RAI1: variants seen among roughly 807,000 people sequenced by gnomAD.
RAI1 encodes the protein retinoic acid induced 1.
A neutral mutation model predicts 123.8 loss-of-function variants in RAI1; 9 were observed. The observed-to-expected ratio is 0.07, with a 90% CI of 0.04 to 0.13. The LOEUF (loss-of-function observed/expected upper bound fraction) is 0.13, where lower values mean the gene tolerates loss of function less well. Ranked by LOEUF, RAI1 falls within the 10% of genes least tolerant of loss-of-function variation. RAI1 has a pLI of 1.00. For missense variants in RAI1, 2,256 were observed against 2,545.8 expected (o/e 0.89, Z 2.45); for synonymous variants, 1,231 against 1,127.3 (o/e 1.09, Z -1.84).
At chr17:17,722,700 G>A (rs188599057) in intron 1 of RAI1, among the ~76,000 whole-genome samples, 318 of 152,332 alleles carry the variant, frequency 2.1e-3, no homozygotes, top group African/African-American at 7.2e-3. Context: ...TTCCCGGCCA[G>A]TAGGCGTCTC....
At chr17:17,723,668 C>A (rs376457028) in intron 1 of RAI1, among the ~76,000 whole-genome samples, 21 of 148,298 alleles carry the variant, frequency 1.4e-4, no homozygotes, top group East Asian at 6.2e-4. Flanking sequence ...CATCTCTCGC[C>A]CCCCCGCCCG....
At chr17:17,770,510 G>T (rs12450495) in intron 2 of RAI1, among the ~76,000 whole-genome samples, 1 of 152,126 alleles carries the variant, frequency 6.6e-6, no homozygotes, top group African/African-American at 2.4e-5. Flanking sequence ...TGGGCTCCCC[G>T]GCCAATTCCT....
intron 1 of RAI1, among the ~76,000 whole-genome samples, chr17:17,723,459 C>A (rs1915955339): frequency 1.3e-5 from 2 of 151,838 alleles, no homozygotes; most frequent in Non-Finnish European, 2.9e-5. Context: ...TCGTAAGTCA[C>A]TGGAAAAATA....
intron 1 of RAI1, 71 bp downstream of exon 1, chr17:17,681,864 C>A: frequency 4.5e-6 from 1 of 224,140 alleles, no homozygotes; most frequent in Non-Finnish European, 8.7e-6. Context: ...CGCGAGGCGT[C>A]GGGATCCTAG....
chr17:17,686,608 T>TGTGCGC (rs1491248703), intron 1 of RAI1, among the ~76,000 whole-genome samples: 32 of 137,852 alleles, frequency 2.3e-4, no homozygotes, highest in African/African-American at 8.6e-4. Context: ...TGTGTGTGTG[T>TGTGCGC]GCACGCGCGC....
At chr17:17,735,689 T>G (rs973401776) in intron 2 of RAI1, among the ~76,000 whole-genome samples, 6 of 152,168 alleles carry the variant, frequency 3.9e-5, no homozygotes, top group Non-Finnish European at 8.8e-5. Context: ...CAGAAGTGAT[T>G]TAGAAGTGGC....
intron 2 of RAI1, among the ~76,000 whole-genome samples, chr17:17,768,165 C>A (rs1239791382): frequency 2.0e-5 from 3 of 152,168 alleles, no homozygotes; most frequent in African/African-American, 7.2e-5. Context: ...AGCAGAATGC[C>A]TGGGACGTAG....
Position 17,695,531 on chromosome 17 carries a change from C to CTT in RAI1, c.-149+13750_-149+13751dup, listed in dbSNP as rs10692662. 5.1e-3 allele frequency among the ~76,000 whole-genome samples: 737 copies of CTT among 145,488 alleles called. 6 individuals are homozygous for CTT. The highest frequency in any genetic ancestry group is 6.7e-3 in the Non-Finnish European group (446 of 66,270). Reference sequence around the variant, plus strand: ...TCTTTCCCCTGGTCTTTCTCTCTCTCTTTTTTTTTTTTTGAGCTAGAGTCT... The same window carrying CTT: ...TCTTTCCCCTGGTCTTTCTCTCTCTCTTTTTTTTTTTTTTTGAGCTAGAGTCT... On this transcript the variant is annotated intron_variant, in intron 1 of 5. Coordinates refer to ENST00000353383, the MANE Select transcript of RAI1 (RefSeq NM_030665.4).
chr17:17,811,265 A>C lies in RAI1; in HGVS notation c.*1284A>C. On this transcript the variant is annotated 3_prime_UTR_variant, in exon 6 of 6. Coordinates refer to ENST00000353383, the MANE Select transcript of RAI1 (RefSeq NM_030665.4). ...TATATGTATACATATACATATATAT[A>C]ATATATATGAAGACTGTAAATGTTA... The C allele has an allele frequency of 3.1e-6, 1 of 324,066 alleles. No homozygotes were observed. The highest frequency in any genetic ancestry group is 2.6e-5 in the South Asian group (1 of 37,958). The allele number at this position is 324,066 out of a possible 1,614,324, so 20.1% of individuals were successfully genotyped here. A position where few individuals can be genotyped will look rare whatever the true frequency, so the allele number is the denominator to read the frequency against.
At chr17:17,682,072 G>C (rs1332023899) in intron 1 of RAI1, among the ~76,000 whole-genome samples, 3 of 149,994 alleles carry the variant, frequency 2.0e-5, no homozygotes, top group African/African-American at 4.9e-5. Context: ...CTGAGGTCGG[G>C]TGGGGGCATG....
chr17:17,742,767 T>C (rs1190951814), intron 2 of RAI1, among the ~76,000 whole-genome samples: 1 of 152,160 alleles, frequency 6.6e-6, no homozygotes, highest in African/African-American at 2.4e-5. Flanking sequence ...GCATTTCTTA[T>C]CTGGTTTGGG....
chr17:17,789,824 G>A (rs1357307554), intron 2 of RAI1, among the ~76,000 whole-genome samples: 1 of 152,188 alleles, frequency 6.6e-6, no homozygotes, highest in Non-Finnish European at 1.5e-5. Flanking sequence ...AGAAACGGAT[G>A]GATGGGAATG....
rs575445139 is a variant in RAI1 at position 17,793,924 on chromosome 17, G to A, written c.976G>A (p.Ala326Thr). 13 of 1,613,878 alleles carry A rather than the reference G, an allele frequency of 8.1e-6. No individual in the cohort carries two copies. In the East Asian group the frequency reaches 1.6e-4, roughly 19 times the overall value. Residue 326 changes from alanine to threonine, a missense_variant, in exon 3 of 6, where the codon GCA becomes ACA. Ala to Thr is a moderately conservative substitution (Grantham distance 58). Coordinates refer to ENST00000353383, the MANE Select transcript of RAI1 (RefSeq NM_030665.4). ...AGGCCAGGGCTACTGCCAGCCGGAC[G>A]CAGCCGTCCGGACCCCAGAGCAGTA... is the stretch of plus-strand genomic sequence containing the variant. ...QQGQGYCQPD[A>T]AVRTPEQYYQ... is the part of the protein sequence containing the mutation.
At chr17:17,696,786 G>C (rs1296828134) in intron 1 of RAI1, among the ~76,000 whole-genome samples, 1 of 152,226 alleles carries the variant, frequency 6.6e-6, no homozygotes, top group Non-Finnish European at 1.5e-5. Context: ...CCAATAGTAA[G>C]GGGCTTTACT....
intron 2 of RAI1, among the ~76,000 whole-genome samples, chr17:17,773,731 G>A (rs1227380427): frequency 6.6e-6 from 1 of 152,106 alleles, no homozygotes; most frequent in African/African-American, 2.4e-5. Context: ...ACCTGAAAGA[G>A]CAGCTTCTGC....
chr17:17,694,326 C>G (rs969890820), intron 1 of RAI1, among the ~76,000 whole-genome samples: 9 of 152,214 alleles, frequency 5.9e-5, no homozygotes, highest in African/African-American at 1.4e-4. Context: ...TGGAGACGCA[C>G]GAGGTGCGGG....
intron 2 of RAI1, among the ~76,000 whole-genome samples, chr17:17,736,203 T>C (rs1182037437): frequency 6.6e-6 from 1 of 152,040 alleles, no homozygotes; most frequent in Non-Finnish European, 1.5e-5. Flanking sequence ...GGCTAGAACG[T>C]GTCTGGAGGG....
In RAI1 at chr17:17,796,511, A is replaced by G. The variant is rs752385090; in HGVS notation, c.3563A>G (p.Lys1188Arg). Residue 1188 changes from lysine (K) to arginine (R), a missense_variant, in exon 3 of 6, where the codon AAG becomes AGG. Around this residue, in one of 7 missense-constraint regions of RAI1, gnomAD observed 322 missense variants for 358.0 expected, o/e 0.90. Transcript: ENST00000353383. This position sits in a 1 kb window ranked among gnomAD's most constrained non-coding sequence, Gnocchi z 5.8. ...AACAGCCACTTGCCCGCCACATTCAAGGTCTCCAGCAGCCCCCAGAAGGAG... is the reference window on the plus strand; with the variant it reads ...AACAGCCACTTGCCCGCCACATTCAGGGTCTCCAGCAGCCCCCAGAAGGAG... Reference protein sequence around the residue: ...LDNSHLPATFKVSSSPQKEGR... With the variant: ...LDNSHLPATFRVSSSPQKEGR... 1.2e-6 allele frequency: 2 copies of G among 1,611,124 alleles called. No homozygotes were observed. The highest frequency in any genetic ancestry group is 8.5e-7 in the Non-Finnish European group (1 of 1,179,852).
chr17:17,750,195 C>G (rs1221201657), intron 2 of RAI1, among the ~76,000 whole-genome samples: 1 of 152,238 alleles, frequency 6.6e-6, no homozygotes, highest in African/African-American at 2.4e-5. Flanking sequence ...GCTCCAAGGA[C>G]GGAGAACAGG....
Sources: allele counts gnomAD v4.1 joint callset (sites outside exome capture counted in the v4.1 genomes callset), GRCh38; gene constraint gnomAD v4.1.1; regional missense constraint gnomAD v4.1.1; non-coding constraint Gnocchi (gnomAD v3.1); transcripts MANE v1.5; gene names NCBI Gene and HGNC (gene_info 2026-07-23, HGNC 2026-07-21).